The following TAF4B variants were observed in gnomAD, a reference collection of about 807,000 sequenced individuals.
TAF4B encodes transcription initiation factor TFIID subunit 4B.
In TAF4B, 38 loss-of-function variants were observed where a neutral mutation model predicts 86.4. That is an observed-to-expected ratio of 0.44 (90% CI 0.34 to 0.58). The LOEUF is 0.58. Among genes scored for constraint, TAF4B ranks in the 20% least tolerant of loss-of-function variants. The pLI, the probability that TAF4B is intolerant of heterozygous loss-of-function variation, is 0.02. For missense variants in TAF4B, 988 were observed against 1,027.6 expected (o/e 0.96, Z 0.53); for synonymous variants, 388 against 391.2 (o/e 0.99, Z 0.10).
chr18:26,235,691 G>A (rs932246527), intron 1 of TAF4B, among the ~76,000 whole-genome samples: 1 of 152,204 alleles, frequency 6.6e-6, no homozygotes, highest in Non-Finnish European at 1.5e-5. Context: ...ATCCTCAAAG[G>A]CAAAGAGAAA....
At chr18:26,229,489 T>G (rs2055628962) in intron 1 of TAF4B, among the ~76,000 whole-genome samples, 1 of 124,804 alleles carries the variant, frequency 8.0e-6, no homozygotes, top group Non-Finnish European at 1.7e-5. Context: ...TATCTTTCTT[T>G]CTTTCTTTTT....
At chr18:26,291,988 G>C (rs955418372) in intron 7 of TAF4B, among the ~76,000 whole-genome samples, 1 of 151,928 alleles carries the variant, frequency 6.6e-6, no homozygotes, top group Non-Finnish European at 1.5e-5. Context: ...ATTGGAAATC[G>C]GATTTATAGG....
intron 9 of TAF4B, 64 bp downstream of exon 9, chr18:26,293,595 C>A: frequency 1.0e-6 from 1 of 965,962 alleles, no homozygotes; most frequent in Non-Finnish European, 1.5e-6. Flanking sequence ...GGAGAGATGA[C>A]AGAATAATAC....
At chr18:26,305,768 T>C (rs1026412547) in intron 9 of TAF4B, among the ~76,000 whole-genome samples, 7 of 152,250 alleles carry the variant, frequency 4.6e-5, no homozygotes, top group Admixed American at 2.6e-4. Context: ...CCTTTTTCTA[T>C]ATTCCTTTTT....
intron 1 of TAF4B, chr18:26,255,684 A>G (rs2056073753): frequency 6.6e-7 from 1 of 1,523,020 alleles, no homozygotes; most frequent in East Asian, 2.3e-5. Flanking sequence ...CCTTCTACAT[A>G]AAAACCTCAG....
intron 3 of TAF4B, among the ~76,000 whole-genome samples, chr18:26,271,990 A>C (rs1229140199): frequency 6.6e-6 from 1 of 151,008 alleles, no homozygotes; most frequent in Non-Finnish European, 1.5e-5. Flanking sequence ...GGCGAAAAGA[A>C]AAAAAAAACT....
chr18:26,262,568 A>G (rs1037705782), intron 1 of TAF4B, among the ~76,000 whole-genome samples: 2 of 150,730 alleles, frequency 1.3e-5, no homozygotes, highest in African/African-American at 4.9e-5. Context: ...ACCACCTCCC[A>G]GTTTCAAGCG....
intron 14 of TAF4B, among the ~76,000 whole-genome samples, chr18:26,358,595 A>C (rs894365401): frequency 2.6e-5 from 4 of 152,210 alleles, no homozygotes; most frequent in Admixed American, 1.3e-4. Flanking sequence ...CTGTAGTCCC[A>C]GCTACTCGGG....
intron 5 of TAF4B, 67 bp downstream of exon 5, chr18:26,275,120 G>T (rs768633841): frequency 1.8e-5 from 26 of 1,448,238 alleles, no homozygotes; most frequent in Non-Finnish European, 2.4e-5. Context: ...ATTGGGAAAT[G>T]CATATTTTTA....
intron 14 of TAF4B, among the ~76,000 whole-genome samples, chr18:26,363,144 T>C (rs1283667565): frequency 1.3e-5 from 2 of 152,114 alleles, no homozygotes; most frequent in Non-Finnish European, 1.5e-5. Flanking sequence ...CAATTTGAAT[T>C]GAAAATATCT....
chr18:26,308,495 T>G (rs2056819875), intron 9 of TAF4B, among the ~76,000 whole-genome samples: 1 of 152,200 alleles, frequency 6.6e-6, no homozygotes, highest in Non-Finnish European at 1.5e-5. Flanking sequence ...TCTTATTTAT[T>G]TGTCATGAGC....
At chr18:26,303,011 A>G (rs1481689117) in intron 9 of TAF4B, among the ~76,000 whole-genome samples, 1 of 151,082 alleles carries the variant, frequency 6.6e-6, no homozygotes, top group East Asian at 1.9e-4. Context: ...CATATTTTCT[A>G]CCTACTTCTC....
At chr18:26,281,324 A>T (rs1447174930) in intron 5 of TAF4B, among the ~76,000 whole-genome samples, 2 of 152,150 alleles carry the variant, frequency 1.3e-5, no homozygotes, top group African/African-American at 4.8e-5. Context: ...TCCTTCCACA[A>T]CTTCATGAAG....
At chr18:26,329,506 A>G (rs1453064991) in intron 12 of TAF4B, among the ~76,000 whole-genome samples, 4 of 152,126 alleles carry the variant, frequency 2.6e-5, no homozygotes, top group Non-Finnish European at 4.4e-5. Context: ...TTCATGGTCC[A>G]TTTTCCCATT....
chr18:26,303,287 C>T (rs571791562), intron 9 of TAF4B, among the ~76,000 whole-genome samples: 23 of 134,102 alleles, frequency 1.7e-4, no homozygotes, highest in East Asian at 7.5e-4. Flanking sequence ...ATCCTCCCTC[C>T]GCTTTCATAC....
rs540742181 is a variant in TAF4B, at chr18:26,389,759, AGTG to A, written c.2422-84_2422-82del. 2.4e-4 allele frequency: 328 copies of A among 1,373,750 alleles called. No homozygotes were observed. The African/African-American group carries it at 4.4e-3, about 18-fold the overall frequency. 85.1% of individuals were successfully genotyped at this position (1,373,750 alleles called of 1,614,324 possible). A position where few individuals can be genotyped will look rare whatever the true frequency, so the allele number is the denominator to read the frequency against. On this transcript the variant is annotated intron_variant, in intron 14 of 14. Transcript: ENST00000269142. ...GTACCTAACCCAGTGACCAGAGGGT[AGTG>A]GGCTCTGACATGCTAGAATTGACAG...
Position 26,293,454 on chromosome 18 carries a change from T to C in TAF4B, c.1755T>C (p.Pro585=). 6.3e-7 allele frequency: 1 copy of C among 1,596,362 alleles called. No individual in the cohort carries two copies. Among genetic ancestry groups the C allele is most frequent in the Non-Finnish European group, 8.5e-7 (1 of 1,175,388 alleles). Residue 585 remains proline (P), a synonymous_variant, in exon 9 of 15, where the codon CCT becomes CCC. Transcript: ENST00000269142. Reference sequence around the variant, plus strand: ...CCATTCTAAAGCAAATTACTCTGCCTGGAAATAAAATTCTGTCACTTCAAG... The same window carrying C: ...CCATTCTAAAGCAAATTACTCTGCCCGGAAATAAAATTCTGTCACTTCAAG... ...PASILKQITL[P]GNKILSLQAS...
intron 1 of TAF4B, among the ~76,000 whole-genome samples, chr18:26,228,009 A>T (rs1037924010): frequency 6.6e-6 from 1 of 152,248 alleles, no homozygotes; most frequent in Non-Finnish European, 1.5e-5. Context: ...CAAACAGATC[A>T]GTCATGCAAT....
At chr18:26,341,366 A>G (rs904958678) in intron 13 of TAF4B, among the ~76,000 whole-genome samples, 5 of 152,160 alleles carry the variant, frequency 3.3e-5, no homozygotes, top group African/African-American at 1.2e-4. Context: ...GAGATAGACC[A>G]TGAATATGTT....
Sources: allele counts gnomAD v4.1 joint callset (sites outside exome capture counted in the v4.1 genomes callset), GRCh38; gene constraint gnomAD v4.1.1; transcripts MANE v1.5; gene names NCBI Gene and HGNC (gene_info 2026-07-23, HGNC 2026-07-21).